Variants in MSRA observed in about 807,000 individuals in gnomAD.
MSRA encodes the protein methionine sulfoxide reductase A.
MSRA carries 54 observed loss-of-function variants against 31.3 expected under a neutral mutation model. The observed-to-expected ratio is 1.73, with a 90% CI of 1.39 to 2.17. The LOEUF (loss-of-function observed/expected upper bound fraction) is 2.17. MSRA is among the 30% of genes most tolerant of loss of function. MSRA has a pLI of 0.00. For synonymous variants in MSRA, 169 were observed against 116.5 expected (o/e 1.45, Z -2.90); for missense variants, 507 against 300.9 (o/e 1.69, Z -5.07).
At chr8:10,163,073 G>C (rs1804802876) in intron 1 of MSRA, among the ~76,000 whole-genome samples, 2 of 152,112 alleles carry the variant, frequency 1.3e-5, no homozygotes, top group South Asian at 4.2e-4. Flanking sequence ...GTGCCTGCCT[G>C]AAAGGGACCT....
At chr8:10,090,293 A>T (rs1041804339) in intron 1 of MSRA, among the ~76,000 whole-genome samples, 1 of 152,204 alleles carries the variant, frequency 6.6e-6, no homozygotes, top group African/African-American at 2.4e-5. Flanking sequence ...AGCTGGCAGA[A>T]GGGAGCGATG....
intron 2 of MSRA, among the ~76,000 whole-genome samples, chr8:10,222,689 T>C (rs1056100125): frequency 6.6e-6 from 1 of 152,168 alleles, no homozygotes; most frequent in African/African-American, 2.4e-5. Context: ...TTGGCAACAG[T>C]ATTGATTAAC....
At chr8:10,148,834 A>G (rs1353801764) in intron 1 of MSRA, among the ~76,000 whole-genome samples, 1 of 151,744 alleles carries the variant, frequency 6.6e-6, no homozygotes, top group East Asian at 1.9e-4. Flanking sequence ...CTGTCTCAAA[A>G]AAAAAAAAAA....
chr8:10,124,338 C>A lies in MSRA; in HGVS notation c.142+69680C>A, dbSNP rs76453228. On this transcript the variant is annotated intron_variant, in intron 1 of 5. Coordinates refer to ENST00000317173, the MANE Select transcript of MSRA (RefSeq NM_012331.5). ...GTATAATGGCATGGGCCTCAAAGGG[C>A]TTTTCCCTAAGGAGAGGGGAATGGT... Among the ~76,000 whole-genome samples the A allele has an allele frequency of 1.9e-3, 286 of 152,300 alleles. 1 individual carries two copies. The highest frequency in any genetic ancestry group is 6.5e-3 in the African/African-American group (271 of 41,554).
At chr8:10,223,498 G>A (rs1585207808) in intron 2 of MSRA, among the ~76,000 whole-genome samples, 1 of 152,134 alleles carries the variant, frequency 6.6e-6, no homozygotes, top group East Asian at 1.9e-4. Flanking sequence ...TTGGTTATCG[G>A]CCACATTTGG....
chr8:10,287,283 A>G (rs1799987758), intron 3 of MSRA, among the ~76,000 whole-genome samples: 1 of 152,204 alleles, frequency 6.6e-6, no homozygotes, highest in Non-Finnish European at 1.5e-5. Context: ...GCCCTGAATG[A>G]CCTGAATTAA....
intron 1 of MSRA, among the ~76,000 whole-genome samples, chr8:10,199,142 G>C (rs1808259082): frequency 6.6e-6 from 1 of 152,044 alleles, no homozygotes; most frequent in South Asian, 2.1e-4. Context: ...GCCTGCTTTG[G>C]GAGCCTGGAG....
intron 5 of MSRA, among the ~76,000 whole-genome samples, chr8:10,384,833 C>G (rs972607051): frequency 1.3e-5 from 2 of 152,090 alleles, no homozygotes; most frequent in Non-Finnish European, 2.9e-5. Flanking sequence ...CAGAGCAAAA[C>G]TCTTTGTCTC....
At chr8:10,063,057 T>C (rs1797287821) in intron 1 of MSRA, among the ~76,000 whole-genome samples, 1 of 152,198 alleles carries the variant, frequency 6.6e-6, no homozygotes, top group Non-Finnish European at 1.5e-5. Flanking sequence ...TGTTTCCAAA[T>C]ACGAGATGCT....
At chr8:10,122,011 T>A (rs563341937) in intron 1 of MSRA, among the ~76,000 whole-genome samples, 2 of 152,204 alleles carry the variant, frequency 1.3e-5, no homozygotes, top group South Asian at 4.1e-4. Flanking sequence ...CATGGGGTTG[T>A]GCCTTTGGCC....
intron 5 of MSRA, among the ~76,000 whole-genome samples, chr8:10,343,020 T>TAC (rs572591443): frequency 9.0e-4 from 119 of 132,730 alleles, no homozygotes; most frequent in African/African-American, 1.4e-3. Context: ...GCATAAGCAT[T>TAC]ACACACACAC....
chr8:10,214,258 C>T (rs977825249), intron 2 of MSRA, among the ~76,000 whole-genome samples: 6 of 152,120 alleles, frequency 3.9e-5, no homozygotes, highest in Non-Finnish European at 7.4e-5. Flanking sequence ...AGCAGGGGCC[C>T]GTGGCTGACA....
chr8:10,301,480 G>C (rs1257964572), intron 3 of MSRA, 54 bp from the exon 4 acceptor site: 1 of 1,373,282 alleles, frequency 7.3e-7, no homozygotes, highest in African/African-American at 1.4e-5. Context: ...CAAAAAACTT[G>C]CAATAAATGG....
intron 2 of MSRA, among the ~76,000 whole-genome samples, chr8:10,224,205 C>G (rs191463490): frequency 9.8e-5 from 15 of 152,300 alleles, no homozygotes; most frequent in Non-Finnish European, 2.1e-4. Flanking sequence ...TCTGGTGTCA[C>G]CGTTCACCCA....
intron 5 of MSRA, among the ~76,000 whole-genome samples, chr8:10,392,890 C>CA (rs869085304): frequency 0.1 from 11,457 of 112,572 alleles, 773 homozygotes; most frequent in East Asian, 0.3. Flanking sequence ...ACTAAAAATG[C>CA]AAAAAAAAAA....
chr8:10,167,115 C>T (rs1805203383), intron 1 of MSRA, among the ~76,000 whole-genome samples: 2 of 152,138 alleles, frequency 1.3e-5, no homozygotes. Context: ...CCATTCTCTT[C>T]CAACACTGCT....
At chr8:10,250,644 C>A (rs1293257598) in intron 3 of MSRA, 2 of 603,016 alleles carry the variant, frequency 3.3e-6, no homozygotes, top group African/African-American at 3.7e-5. Flanking sequence ...CGAGCAGGAG[C>A]CCAGGTGTGG....
At chr8:10,292,843 A>C (rs1431583132) in intron 3 of MSRA, among the ~76,000 whole-genome samples, 2 of 152,024 alleles carry the variant, frequency 1.3e-5, no homozygotes, top group Non-Finnish European at 1.5e-5. Context: ...TGGGGACAGC[A>C]GGAGCCGGTG....
At chr8:10,187,097 G>A (rs1053884596) in intron 1 of MSRA, among the ~76,000 whole-genome samples, 1 of 152,130 alleles carries the variant, frequency 6.6e-6, no homozygotes, top group Non-Finnish European at 1.5e-5. Flanking sequence ...TTAAAGACAT[G>A]GGTACCTGGC....
Sources: allele counts gnomAD v4.1 joint callset (sites outside exome capture counted in the v4.1 genomes callset), GRCh38; gene constraint gnomAD v4.1.1; transcripts MANE v1.5; gene names NCBI Gene and HGNC (gene_info 2026-07-23, HGNC 2026-07-21).